The following DLGAP2 variants were observed in gnomAD, a reference collection of about 807,000 sequenced individuals.
The protein encoded by DLGAP2 is disks large-associated protein 2.
In DLGAP2, 26 loss-of-function variants were observed where a neutral mutation model predicts 100.3. The ratio of observed to expected loss-of-function variants is 0.26; its 90% CI spans 0.19 to 0.36. The LOEUF is 0.36. DLGAP2 is among the 10% of genes least tolerant of loss of function. The pLI is 1.00. For synonymous variants in DLGAP2, 886 were observed against 630.1 expected (o/e 1.41, Z -6.08); for missense variants, 1,858 against 1,453.2 (o/e 1.28, Z -4.53).
intron 7 of DLGAP2, 75 bp from the exon 8 acceptor site, chr8:1,632,752 G>T: frequency 2.8e-6 from 4 of 1,430,444 alleles, no homozygotes; most frequent in Non-Finnish European, 3.8e-6. Context: ...GAATGAGCGC[G>T]CTCTCCTGGC....
At chr8:1,601,250 G>A (rs913016595) in intron 6 of DLGAP2, among the ~76,000 whole-genome samples, 3 of 152,202 alleles carry the variant, frequency 2.0e-5, no homozygotes, top group Non-Finnish European at 2.9e-5. Context: ...TGGAAGCTTC[G>A]TCCCAGAGGG....
intron 3 of DLGAP2, among the ~76,000 whole-genome samples, chr8:1,282,200 CAT>C (rs1799831107): frequency 4.3e-5 from 5 of 117,204 alleles, no homozygotes; most frequent in Admixed American, 2.0e-4. Flanking sequence ...ACCATCCGGA[CAT>C]GGTGTGACCT....
chr8:1,360,035 C>T (rs913832480), intron 3 of DLGAP2, among the ~76,000 whole-genome samples: 1 of 152,134 alleles, frequency 6.6e-6, no homozygotes, highest in Non-Finnish European at 1.5e-5. Context: ...ACAGGACCAT[C>T]GCGAGCCACT....
At chr8:1,446,180 G>C (rs1460172818) in intron 3 of DLGAP2, among the ~76,000 whole-genome samples, 1 of 152,054 alleles carries the variant, frequency 6.6e-6, no homozygotes, top group Non-Finnish European at 1.5e-5. Flanking sequence ...CCTATGTCCT[G>C]AATGGTATTG....
At chr8:998,422 T>G (rs1379372625) in intron 2 of DLGAP2, among the ~76,000 whole-genome samples, 1 of 151,640 alleles carries the variant, frequency 6.6e-6, no homozygotes, top group Non-Finnish European at 1.5e-5. Flanking sequence ...CACCTCTGCC[T>G]CCTTCATGGC....
In DLGAP2 at chr8:1,240,343, C is replaced by T. The variant is rs192407480; in HGVS notation, c.74-18508C>T. Among the ~76,000 whole-genome samples the T allele has an allele frequency of 7.9e-3, 1,048 of 132,434 alleles. 17 individuals carry two copies. The highest frequency in any genetic ancestry group is 0.028 in the African/African-American group (986 of 35,564). 86.9% of individuals were successfully genotyped at this position (132,434 alleles called of 152,430 possible). A position where few individuals can be genotyped will look rare whatever the true frequency, so the allele number is the denominator to read the frequency against. ...GTGTCTAGTTCTCTCTCACACATAA[C>T]GTCATGTCTAGTTCTGTCTCACACA... On this transcript the variant is annotated intron_variant, in intron 2 of 14. Transcript: ENST00000637795.
intron 1 of DLGAP2, among the ~76,000 whole-genome samples, chr8:769,115 G>A (rs1821291496): frequency 6.6e-6 from 1 of 152,160 alleles, no homozygotes; most frequent in Non-Finnish European, 1.5e-5. Context: ...AATAGTGAGT[G>A]TGAGCAGCTC....
intron 6 of DLGAP2, among the ~76,000 whole-genome samples, chr8:1,605,416 C>T (rs1796764483): frequency 6.6e-6 from 1 of 152,154 alleles, no homozygotes; most frequent in African/African-American, 2.4e-5. Context: ...CCATATTCCC[C>T]TGACGTCTTC....
chr8:1,601,543 G>A (rs944296589), intron 6 of DLGAP2, among the ~76,000 whole-genome samples: 1 of 152,212 alleles, frequency 6.6e-6, no homozygotes, highest in Non-Finnish European at 1.5e-5. Context: ...GACTGGGGCT[G>A]CTGCCTTTCT....
chr8:1,371,280 C>A (rs1253925581), intron 3 of DLGAP2, among the ~76,000 whole-genome samples: 9 of 152,222 alleles, frequency 5.9e-5, no homozygotes, highest in Non-Finnish European at 1.0e-4. Flanking sequence ...GCCTTTCATT[C>A]GGCCTCTATT....
intron 4 of DLGAP2, among the ~76,000 whole-genome samples, chr8:1,515,539 C>T (rs976766610): frequency 6.6e-6 from 1 of 152,176 alleles, no homozygotes; most frequent in African/African-American, 2.4e-5. Context: ...GACACACATG[C>T]AGATGCACAC....
chr8:1,163,752 G>A (rs1051643666), intron 2 of DLGAP2, among the ~76,000 whole-genome samples: 1 of 152,200 alleles, frequency 6.6e-6, no homozygotes, highest in South Asian at 2.1e-4. Flanking sequence ...CGGCCGCCGC[G>A]GGTGCAGGAC....
chr8:1,317,739 G>C (rs1468567926), intron 3 of DLGAP2, among the ~76,000 whole-genome samples: 1 of 102,008 alleles, frequency 9.8e-6, no homozygotes, highest in Non-Finnish European at 1.9e-5. Flanking sequence ...AATAGAGCGT[G>C]TGTGAGTGCA....
chr8:877,726 C>T (rs910886144), intron 1 of DLGAP2, among the ~76,000 whole-genome samples: 15 of 152,184 alleles, frequency 9.9e-5, no homozygotes, highest in African/African-American at 3.6e-4. Context: ...TGCATTTCAC[C>T]ACAAATTCCA....
chr8:912,979 A>C (rs1376193175), intron 2 of DLGAP2, among the ~76,000 whole-genome samples: 4 of 152,222 alleles, frequency 2.6e-5, no homozygotes, highest in Admixed American at 2.6e-4. Context: ...TGCTTTCTGC[A>C]GGGTGGCGAG....
chr8:1,477,935 A>G (rs1313657002), intron 3 of DLGAP2, among the ~76,000 whole-genome samples: 2 of 152,286 alleles, frequency 1.3e-5, no homozygotes, highest in Admixed American at 6.5e-5. Context: ...AGTCTGGTGG[A>G]AAATGCATTT....
At chr8:985,720 G>C (rs1295872382) in intron 2 of DLGAP2, among the ~76,000 whole-genome samples, 1 of 152,200 alleles carries the variant, frequency 6.6e-6, no homozygotes, top group Non-Finnish European at 1.5e-5. Flanking sequence ...AAAATATTGA[G>C]AATTTGTCAT....
At chr8:1,522,635 G>A (rs576700938) in intron 4 of DLGAP2, among the ~76,000 whole-genome samples, 56 of 152,362 alleles carry the variant, frequency 3.7e-4, no homozygotes, top group African/African-American at 1.3e-3. Context: ...GGGGACGCCT[G>A]TAAAGTCACC....
At chr8:1,132,448 G>A (rs1386979408) in intron 2 of DLGAP2, among the ~76,000 whole-genome samples, 2 of 152,160 alleles carry the variant, frequency 1.3e-5, no homozygotes. Flanking sequence ...AGGAGTGCAA[G>A]GTTAAGAATC....
Sources: gnomAD v4.1 joint callset for allele counts (sites outside exome capture counted in the v4.1 genomes callset) on GRCh38, gnomAD v4.1.1 for gene constraint, MANE v1.5 for transcripts, NCBI Gene and HGNC (gene_info 2026-07-23, HGNC 2026-07-21) for gene names.